Variants in WSCD1 observed in about 807,000 individuals in gnomAD.
WSCD1 encodes the protein sialate:O-sulfotransferase 1.
In WSCD1, 41 loss-of-function variants were observed where a neutral mutation model predicts 60.4. The observed-to-expected ratio is 0.68, with a 90% CI of 0.53 to 0.88. The LOEUF (loss-of-function observed/expected upper bound fraction) is 0.88. WSCD1 is among the 40% of genes least tolerant of loss of function. WSCD1 has a pLI of 0.00. For synonymous variants in WSCD1, 361 were observed against 332.5 expected, an observed-to-expected ratio of 1.09 and a Z score of -0.93; for missense variants, 784 against 796.2, an observed-to-expected ratio of 0.98 and a Z score of 0.18.
chr17:6,103,598 C>T (rs1910927661), intron 5 of WSCD1, among the ~76,000 whole-genome samples: 1 of 152,202 alleles, frequency 6.6e-6, no homozygotes, highest in Non-Finnish European at 1.5e-5. Flanking sequence ...CCCCTGGAGA[C>T]ACTCTGACAT....
chr17:6,110,787 C>A lies in WSCD1; in HGVS notation c.1026C>A (p.Asp342Glu). 1 of 1,613,310 alleles carries A rather than the reference C, an allele frequency of 6.2e-7. No individual in the cohort carries two copies. The highest frequency in any genetic ancestry group is 2.2e-5 in the East Asian group (1 of 44,856). ...QTPVQDTRCT[D>E]RRFLPNKSKV... is the part of the protein sequence containing the mutation. ...GACTTTCAGACACTCGTTGTACAGA[C>A]AGGAGGTTCCTGCCTAACAAATCCA... The change falls in exon 7 of 9, where the codon GAC (aspartate) becomes GAA (glutamate). Residue 342 changes from aspartate to glutamate, a missense_variant. Coordinates refer to ENST00000317744, the MANE Select transcript of WSCD1 (RefSeq NM_015253.2). This position sits in a 1 kb window ranked among gnomAD's most constrained non-coding sequence, Gnocchi z 4.8.
chr17:6,110,679 C>A lies in WSCD1; in HGVS notation c.1010-92C>A. 6.8e-7 allele frequency: 1 copy of A among 1,466,928 alleles called. No homozygotes were observed. The highest frequency in any genetic ancestry group is 9.2e-7 in the Non-Finnish European group (1 of 1,088,484). 90.9% of individuals were successfully genotyped at this position (1,466,928 alleles called of 1,614,324 possible). A position where few individuals can be genotyped will look rare whatever the true frequency, so the allele number is the denominator to read the frequency against. On this transcript the variant is annotated intron_variant, in intron 6 of 8. Transcript: ENST00000317744. The surrounding 1 kb of genome is among the most constrained non-coding windows in gnomAD (Gnocchi z 4.8). ...GTTCCCCCATCTATTAAATGGGAGT[C>A]TTCGTTCATCAGTTCCTCTAAGGGA...
intron 1 of WSCD1, among the ~76,000 whole-genome samples, chr17:6,079,799 G>T (rs1174139489): frequency 1.3e-5 from 2 of 152,212 alleles, no homozygotes; most frequent in African/African-American, 4.8e-5. Context: ...TTTATATGTG[G>T]TAGTGTCTCA....
At chr17:6,117,825 G>A (rs904332723) in intron 7 of WSCD1, among the ~76,000 whole-genome samples, 163 bp from the exon 8 acceptor site, 1 of 152,132 alleles carries the variant, frequency 6.6e-6, no homozygotes, top group African/African-American at 2.4e-5. Context: ...CTCCTGTGGA[G>A]GCCGTTCCTA....
At chr17:6,094,706 A>G (rs1597360108) in intron 4 of WSCD1, among the ~76,000 whole-genome samples, 1 of 125,702 alleles carries the variant, frequency 8.0e-6, no homozygotes. Flanking sequence ...AGGAAGGGAG[A>G]GGGAAGGAAG....
Position 6,070,489 on chromosome 17 carries a change from C to T in WSCD1, c.-452C>T, listed in dbSNP as rs1567546798. 1 of 147,080 alleles carries T rather than the reference C, an allele frequency of 6.8e-6. No homozygotes were observed. The highest frequency in any genetic ancestry group is 1.5e-5 in the Non-Finnish European group (1 of 65,998). The allele number at this position is 147,080 out of a possible 1,614,324, so 9.1% of individuals were successfully genotyped here. On this transcript the variant is annotated 5_prime_UTR_variant, in exon 1 of 9. Transcript: ENST00000317744. ...GCAGCCCCGGGGAGCCAGGCGGCGG[C>T]GCCCTGTGCCCGGGCGCGTGGGTCC...
At chr17:6,099,374 G>T (rs1446273651) in intron 5 of WSCD1, among the ~76,000 whole-genome samples, 1 of 152,000 alleles carries the variant, frequency 6.6e-6, no homozygotes, top group Non-Finnish European at 1.5e-5. Context: ...AATTAGCCAG[G>T]TGTGGTGGCG....
At chr17:6,087,869 C>T (rs971390912) in intron 2 of WSCD1, 121 bp from the exon 3 acceptor site, 7 of 711,960 alleles carry the variant, frequency 9.8e-6, no homozygotes, top group Non-Finnish European at 1.7e-5. Context: ...CTGCAGCACT[C>T]ATCTCCCGGG....
intron 1 of WSCD1, among the ~76,000 whole-genome samples, chr17:6,074,186 A>G (rs1908709408): frequency 6.6e-6 from 1 of 152,198 alleles, no homozygotes. Flanking sequence ...TTAGCAACAT[A>G]TTAAAATTTT....
Position 6,118,171 on chromosome 17 carries a change from G to T in WSCD1, c.1358G>T (p.Arg453Leu). 6.2e-7 allele frequency: 1 copy of T among 1,614,066 alleles called. No homozygotes were observed. Among genetic ancestry groups the T allele is most frequent in the Middle Eastern group, 1.7e-4 (1 of 6,056 alleles). ...GGGCACCTGGGATATGCAGCTGACC[G>T]CAACTGGAAGAGCAAAGGTAATCAA... ...CAGHLGYAAD[R>L]NWKSKEWPDF... Residue 453 changes from arginine (R) to leucine (L), a missense_variant, in exon 8 of 9, where the codon CGC becomes CTC. Arg to Leu is a moderately radical substitution (Grantham distance 102). Coordinates refer to ENST00000317744, the MANE Select transcript of WSCD1 (RefSeq NM_015253.2). The surrounding 1 kb of genome is among the most constrained non-coding windows in gnomAD (Gnocchi z 5.8).
chr17:6,107,106 G>A (rs1911127988), intron 5 of WSCD1, among the ~76,000 whole-genome samples: 1 of 152,210 alleles, frequency 6.6e-6, no homozygotes, highest in African/African-American at 2.4e-5. Flanking sequence ...GCAGATGGAA[G>A]CCTTCTTACT....
chr17:6,105,572 T>G (rs1338739907), intron 5 of WSCD1, among the ~76,000 whole-genome samples: 1 of 152,210 alleles, frequency 6.6e-6, no homozygotes, highest in Non-Finnish European at 1.5e-5. Context: ...GTGATGTTGC[T>G]GGAGCGGTGA....
chr17:6,100,385 T>A (rs1910729006), intron 5 of WSCD1, among the ~76,000 whole-genome samples: 1 of 152,238 alleles, frequency 6.6e-6, no homozygotes, highest in African/African-American at 2.4e-5. Context: ...GGATTTCAGG[T>A]AGGGCAAGAA....
In WSCD1 at chr17:6,110,837, T is replaced by C; in HGVS notation, c.1076T>C (p.Phe359Ser). 1 of 1,614,014 alleles carries C rather than the reference T, an allele frequency of 6.2e-7. No individual in the cohort carries two copies. The highest frequency in any genetic ancestry group is 8.5e-7 in the Non-Finnish European group (1 of 1,179,924). Residue 359 changes from phenylalanine (F) to serine (S), a missense_variant, in exon 7 of 9, where the codon TTC (phenylalanine) becomes TCC (serine). Coordinates refer to ENST00000317744, the MANE Select transcript of WSCD1 (RefSeq NM_015253.2). This position sits in a 1 kb window ranked among gnomAD's most constrained non-coding sequence, Gnocchi z 4.8. ...KSKVFVALSS[F>S]PGAGNTWARH... is the part of the protein sequence containing the mutation. ...AAAGTGTTTGTGGCTTTGTCAAGCTTCCCAGGAGCCGGGAACACATGGGCA... is the reference window on the plus strand; with the variant it reads ...AAAGTGTTTGTGGCTTTGTCAAGCTCCCCAGGAGCCGGGAACACATGGGCA...
rs931740369 is a variant in WSCD1, at chr17:6,088,821, T to C, written c.542+717T>C. The stretch of plus-strand genomic sequence containing the variant: ...TTTTTGAGACGGAGTCTCGCTCTGT[T>C]GCCCAGGCTGGAGTGCAGTGGCGCG... On this transcript the variant is annotated intron_variant, in intron 3 of 8. Coordinates refer to ENST00000317744, the MANE Select transcript of WSCD1 (RefSeq NM_015253.2). Among the ~76,000 whole-genome samples, 9 of 151,678 alleles carry C rather than the reference T, an allele frequency of 5.9e-5. No homozygotes were observed. The South Asian group carries it at 1.5e-3, about 25-fold the overall frequency.
At position 6,120,936 on chromosome 17, in the gene WSCD1, C is replaced by T. The variant is rs1040563699; in HGVS notation, c.*275C>T. 5 of 490,830 alleles carry T rather than the reference C, an allele frequency of 1.0e-5. No individual in the cohort carries two copies. The highest frequency in any genetic ancestry group is 7.4e-5 in the Admixed American group (2 of 26,994). 30.4% of individuals were successfully genotyped at this position (490,830 alleles called of 1,614,324 possible). On this transcript the variant is annotated 3_prime_UTR_variant, in exon 9 of 9. Coordinates refer to ENST00000317744, the MANE Select transcript of WSCD1 (RefSeq NM_015253.2). ...ATAGCCCCGTCTTGATGCAGAGAAG[C>T]CACCCACGTGGGGTGTGCCAGGCAC... is the stretch of plus-strand genomic sequence containing the variant.
chr17:6,117,793 C>T (rs892541718), intron 7 of WSCD1, among the ~76,000 whole-genome samples, 195 bp from the exon 8 acceptor site: 2 of 152,196 alleles, frequency 1.3e-5, no homozygotes, highest in African/African-American at 4.8e-5. Context: ...CTCCTGCTGT[C>T]ACTTTCCCTT....
chr17:6,106,066 C>T (rs1434721183), intron 5 of WSCD1, among the ~76,000 whole-genome samples: 1 of 152,180 alleles, frequency 6.6e-6, no homozygotes. Flanking sequence ...ATTCATCAAA[C>T]ATTTATTGAG....
chr17:6,099,298 T>C (rs975906613), intron 5 of WSCD1, among the ~76,000 whole-genome samples: 3 of 151,968 alleles, frequency 2.0e-5, no homozygotes, highest in Admixed American at 6.5e-5. Context: ...GGGCGGATCA[T>C]GAGTTCAAGA....
Sources: gnomAD v4.1 joint callset for allele counts (sites outside exome capture counted in the v4.1 genomes callset) on GRCh38, gnomAD v4.1.1 for gene constraint, Gnocchi (gnomAD v3.1) non-coding constraint, MANE v1.5 for transcripts, NCBI Gene and HGNC (gene_info 2026-07-23, HGNC 2026-07-21) for gene names.